Variants in GRAMD1A observed in about 807,000 individuals in gnomAD.
The protein encoded by GRAMD1A is GRAM domain containing 1A.
In GRAMD1A, 50 loss-of-function variants were observed where a neutral mutation model predicts 92.0. The observed-to-expected ratio is 0.54, with a 90% confidence interval of 0.43 to 0.69. The LOEUF is 0.69. Ranked by LOEUF, GRAMD1A falls within the 30% of genes least tolerant of loss-of-function variation. The pLI is 0.00. For missense variants in GRAMD1A, 819 were observed against 978.9 expected (o/e 0.84, Z 2.18); for synonymous variants, 405 against 403.6 (o/e 1.00, Z -0.04).
chr19:34,998,775 G>A (rs2014150076), upstream of GRAMD1A, among the ~76,000 whole-genome samples: 1 of 150,696 alleles, frequency 6.6e-6, no homozygotes, highest in South Asian at 2.1e-4. Context: ...TTTTAGAGGT[G>A]GGGGTTAGCA....
chr19:34,996,083 G>C (rs961567833), upstream of GRAMD1A: 6 of 1,535,840 alleles, frequency 3.9e-6, no homozygotes, highest in African/African-American at 6.8e-5. Flanking sequence ...CAGTCCCCAG[G>C]GCTCGCCTGA....
chr19:35,010,020 C>T (rs2015107460), intron 4 of GRAMD1A, 48 bp downstream of exon 4: 2 of 1,531,158 alleles, frequency 1.3e-6, no homozygotes, highest in South Asian at 2.2e-5. Context: ...CCCTGTGACT[C>T]TCCGCCAGCC....
At chr19:34,995,570 G>GTTTTTTTTTTTTTTTTTTTTTT (rs1173583059), upstream of GRAMD1A, among the ~76,000 whole-genome samples, 17 of 80,956 alleles carry the variant, frequency 2.1e-4, 7 homozygotes, top group African/African-American at 2.9e-4. Context: ...TCAGATCACG[G>GTTTTTTTTTTTTTTTTTTTTTT]GTTTTTTTTT....
At chr19:34,995,928 C>A, upstream of GRAMD1A, 1 of 1,087,626 alleles carries the variant, frequency 9.2e-7, no homozygotes, top group Admixed American at 2.8e-5. Flanking sequence ...AGTGGAGCCA[C>A]GGGGGAAGGT....
chr19:35,003,455 G>A (rs1273506271), intron 1 of GRAMD1A, among the ~76,000 whole-genome samples: 1 of 152,102 alleles, frequency 6.6e-6, no homozygotes, highest in Non-Finnish European at 1.5e-5. Context: ...AGCTATCCTG[G>A]TTGGGCAGCC....
rs376474006 is a variant in GRAMD1A, at chr19:35,023,269, C to A, written c.1887C>A (p.Leu629=). 1.2e-6 allele frequency: 2 copies of A among 1,614,164 alleles called. No individual in the cohort carries two copies. The highest frequency in any genetic ancestry group is 3.3e-5 in the Admixed American group (2 of 60,020). ...LIILIALNVL[L]FYRLWSLERT... ...TCCTCATCGCCCTCAACGTCCTGCT[C>A]TTCTACCGCCTCTGGTCCCTGGAAA... Residue 629 remains leucine (L), a synonymous_variant, in exon 18 of 20, where the codon CTC becomes CTA. Coordinates refer to ENST00000317991, the MANE Select transcript of GRAMD1A (RefSeq NM_020895.5).
intron 3 of GRAMD1A, 116 bp from the exon 4 acceptor site, chr19:35,009,772 T>C: frequency 1.3e-6 from 1 of 752,134 alleles, no homozygotes; most frequent in South Asian, 1.5e-5. Flanking sequence ...ACTGGTGTGT[T>C]GTGTGCGTTG....
intron 7 of GRAMD1A, among the ~76,000 whole-genome samples, chr19:35,011,813 A>C (rs2015262022): frequency 6.6e-6 from 1 of 152,214 alleles, no homozygotes; most frequent in South Asian, 2.1e-4. Flanking sequence ...TCCAGGTTCC[A>C]CTGGCAGCGG....
Position 35,014,310 on chromosome 19 carries a change from T to C in GRAMD1A, c.992T>C (p.Leu331Pro). The C allele has an allele frequency of 1.2e-6, 2 of 1,614,124 alleles. No individual in the cohort carries two copies. Among genetic ancestry groups the C allele is most frequent in the Non-Finnish European group, 1.7e-6 (2 of 1,179,988 alleles). ...ACCCAGCCTGACGGGCCCACCACCC[T>C]GGGCCCCTTGGATCTGCTGCCCAGT... is the stretch of plus-strand genomic sequence containing the variant. ...EPTQPDGPTTLGPLDLLPSEE... is the reference protein window; with the variant it reads ...EPTQPDGPTTPGPLDLLPSEE... Residue 331 changes from leucine to proline, a missense_variant, in exon 10 of 20, where the codon CTG (leucine) becomes CCG (proline). Transcript: ENST00000317991.
At chr19:35,005,718 G>T (rs1255969415) in intron 1 of GRAMD1A, among the ~76,000 whole-genome samples, 1 of 152,102 alleles carries the variant, frequency 6.6e-6, no homozygotes. Flanking sequence ...ATCCTGTCCC[G>T]CATTGTGCTG....
upstream of GRAMD1A, chr19:34,998,093 G>A (rs1333986750): frequency 4.1e-5 from 6 of 147,084 alleles, no homozygotes; most frequent in Non-Finnish European, 7.5e-5. Context: ...AAAAAAAAGC[G>A]CAGGAAGGAA....
intron 1 of GRAMD1A, chr19:35,002,671 G>T (rs1260548637): frequency 6.6e-6 from 1 of 152,316 alleles, no homozygotes; most frequent in East Asian, 1.9e-4. Context: ...AAAGTGCTGG[G>T]ATTACAGGCA....
upstream of GRAMD1A, among the ~76,000 whole-genome samples, chr19:34,997,380 C>CAAAAAAAAAAAAAAAAAAA (rs1315311875): frequency 3.3e-5 from 1 of 29,884 alleles, no homozygotes; most frequent in African/African-American, 1.4e-4. Context: ...GATCACAGGC[C>CAAAAAAAAAAAAAAAAAAA]AAAAAAACAA....
At chr19:35,018,267 G>A (rs953077838) in intron 11 of GRAMD1A, among the ~76,000 whole-genome samples, 1 of 152,188 alleles carries the variant, frequency 6.6e-6, no homozygotes, top group Non-Finnish European at 1.5e-5. Context: ...GAAGTGCTGG[G>A]ATTACAGGCG....
rs758219589 is a variant in GRAMD1A at position 35,014,331 on chromosome 19, C to G, written c.1013C>G (p.Pro338Arg). The change falls in exon 10 of 20, where the codon CCC becomes CGC. Residue 338 changes from proline to arginine, a missense_variant. Pro to Arg is a moderately radical substitution (Grantham distance 103, BLOSUM62 -2). Transcript: ENST00000317991. ...ACCCTGGGCCCCTTGGATCTGCTGC[C>G]CAGTGAGGAGCTATTGACAGACACA... is the stretch of plus-strand genomic sequence containing the variant. ...PTTLGPLDLL[P>R]SEELLTDTSN... 5 of 1,614,042 alleles carry G rather than the reference C, an allele frequency of 3.1e-6. No homozygotes were observed. In the African/African-American group the frequency reaches 6.7e-5, roughly 22 times the overall value.
At chr19:34,998,201 TA>T (rs1266543086), upstream of GRAMD1A, 2 of 151,896 alleles carry the variant, frequency 1.3e-5, no homozygotes, top group Non-Finnish European at 2.9e-5. Flanking sequence ...TGTAATCATT[TA>T]TTTCTTTTAA....
Position 35,013,741 on chromosome 19 carries a change from A to G in GRAMD1A, c.870+50A>G. 1 of 1,541,170 alleles carries G rather than the reference A, an allele frequency of 6.5e-7. No individual in the cohort carries two copies. The highest frequency in any genetic ancestry group is 8.8e-7 in the Non-Finnish European group (1 of 1,130,156). On this transcript the variant is annotated intron_variant, in intron 9 of 19. Transcript: ENST00000317991. The surrounding 1 kb of genome is among the most constrained non-coding windows in gnomAD (Gnocchi z 4.9). ...TGGGATACTGATAGGAAGAGAGAGG[A>G]GGGCTGGGGGTGCAGTGGGAGAAGA...
At chr19:35,017,730 T>C (rs550455276) in intron 11 of GRAMD1A, among the ~76,000 whole-genome samples, 1 of 152,220 alleles carries the variant, frequency 6.6e-6, no homozygotes, top group Admixed American at 6.5e-5. Flanking sequence ...AGGCCTTGGT[T>C]TTGATTTCAC....
intron 6 of GRAMD1A, chr19:35,010,625 T>C (rs1160093869): frequency 5.1e-6 from 3 of 592,210 alleles, no homozygotes; most frequent in African/African-American, 1.9e-5. Flanking sequence ...AACTCTTCCA[T>C]GTATGTGGCA....
Sources: allele counts gnomAD v4.1 joint callset (sites outside exome capture counted in the v4.1 genomes callset), GRCh38; gene constraint gnomAD v4.1.1; non-coding constraint Gnocchi (gnomAD v3.1); transcripts MANE v1.5; gene names NCBI Gene and HGNC (gene_info 2026-07-23, HGNC 2026-07-21).